Variants in VPS13C observed in about 807,000 individuals in gnomAD.
VPS13C encodes vacuolar protein sorting 13 homolog C, also known as intermembrane lipid transfer protein VPS13C.
Under a neutral mutation model 456.8 loss-of-function variants are expected in VPS13C, and 358 were observed. That is an observed-to-expected ratio of 0.78 (90% CI 0.72 to 0.86). The LOEUF (loss-of-function observed/expected upper bound fraction) is 0.86, where lower values mean the gene tolerates loss of function less well. Ranked by LOEUF, VPS13C falls within the 40% of genes least tolerant of loss-of-function variation. The pLI, the probability that VPS13C is intolerant of heterozygous loss-of-function variation, is 0.00. For synonymous variants in VPS13C, 1,578 were observed against 1,486.7 expected (o/e 1.06, Z -1.41); for missense variants, 4,818 against 4,385.4 (o/e 1.10, Z -2.79).
At chr15:62,010,015 A>T (rs1290023259) in intron 13 of VPS13C, among the ~76,000 whole-genome samples, 1 of 151,930 alleles carries the variant, frequency 6.6e-6, no homozygotes, top group Non-Finnish European at 1.5e-5. Context: ...GTGAAACGCC[A>T]TCTCTACTAA....
At chr15:61,971,614 T>C (rs2045558954) in intron 27 of VPS13C, among the ~76,000 whole-genome samples, 3 of 152,306 alleles carry the variant, frequency 2.0e-5, no homozygotes, top group African/African-American at 4.8e-5. Flanking sequence ...GAGTACCTGA[T>C]GGAAGCAAAG....
chr15:62,005,008 G>C (rs1181415772), intron 15 of VPS13C, among the ~76,000 whole-genome samples: 4 of 151,974 alleles, frequency 2.6e-5, no homozygotes, highest in African/African-American at 9.7e-5. Context: ...TTGATTTGGG[G>C]TGGAGAGTTC....
intron 27 of VPS13C, among the ~76,000 whole-genome samples, chr15:61,971,399 T>A (rs1704359070): frequency 1.3e-5 from 2 of 152,102 alleles, no homozygotes; most frequent in African/African-American, 4.8e-5. Context: ...GCAGCTGGGA[T>A]TACAGGTGCC....
chr15:62,020,500 T>G lies in VPS13C; in HGVS notation c.663A>C (p.Thr221=). The G allele has an allele frequency of 6.2e-7, 1 of 1,611,688 alleles. No homozygotes were observed. The highest frequency in any genetic ancestry group is 8.5e-7 in the Non-Finnish European group (1 of 1,178,524). The part of the protein sequence containing the change: ...DPKRPLSFGV[T]LGELSLLTAN... ...TTACCAGTAGACTAAGCTCTCCCAG[T>G]GTGACACCAAATGAAAGAGGCCGCT... The change falls in exon 9 of 85, where the codon ACA becomes ACC. Residue 221 remains threonine (T), a synonymous_variant. Coordinates refer to ENST00000644861, the MANE Select transcript of VPS13C (RefSeq NM_020821.3).
chr15:61,923,806 T>G (rs1453980503), intron 53 of VPS13C, among the ~76,000 whole-genome samples: 1 of 148,348 alleles, frequency 6.7e-6, no homozygotes, highest in Non-Finnish European at 1.5e-5. Context: ...ATGCTTCCAG[T>G]CTTACAACGC....
At chr15:62,037,334 TTA>T (rs1158572899) in intron 3 of VPS13C, among the ~76,000 whole-genome samples, 4 of 79,808 alleles carry the variant, frequency 5.0e-5, no homozygotes, top group South Asian at 3.0e-4. Flanking sequence ...TTATATACAT[TTA>T]TATATAATAT....
At position 61,927,374 on chromosome 15, in the gene VPS13C, G is replaced by C. The variant is rs2043889782; in HGVS notation, c.6287-54C>G. Reference sequence around the variant, plus strand: ...AAGTTTAAGGTAAGTCTTTTCATTTGACTACATGTTATCTACAAGTTGTTA... The same window carrying C: ...AAGTTTAAGGTAAGTCTTTTCATTTCACTACATGTTATCTACAAGTTGTTA... On this transcript the variant is annotated intron_variant, in intron 51 of 84. Transcript: ENST00000644861. The C allele has an allele frequency of 2.2e-6, 3 of 1,381,860 alleles. No individual in the cohort carries two copies. In the East Asian group the frequency reaches 6.9e-5, roughly 32 times the overall value. 85.6% of individuals were successfully genotyped at this position (1,381,860 alleles called of 1,614,324 possible). A position where few individuals can be genotyped will look rare whatever the true frequency, so the allele number is the denominator to read the frequency against.
rs896274744 is a variant in VPS13C, at chr15:61,875,827, C to T, written c.10243G>A (p.Val3415Ile). ...YSEQFLKQMYVLVLGLDVLGN... is the reference protein window; with the variant it reads ...YSEQFLKQMYILVLGLDVLGN... ...AGTACATCTAACCCCAATACAAGGA[C>T]ATACATCTGTTTCAAGAACTAAAAA... Residue 3415 changes from valine (V) to isoleucine (I), a missense_variant, in exon 76 of 85, where the codon GTC becomes ATC. Physicochemically the swap from Val to Ile is conservative, Grantham distance 29. This residue lies in a region of VPS13C where 4,552 missense variants were observed against 4,130.6 expected (regional missense o/e 1.10). Transcript: ENST00000644861. 1.9e-6 allele frequency: 3 copies of T among 1,590,266 alleles called. No homozygotes were observed. The African/African-American group carries it at 4.1e-5, about 22-fold the overall frequency.
At chr15:61,926,355 G>T (rs2043849080) in intron 52 of VPS13C, among the ~76,000 whole-genome samples, 2 of 152,210 alleles carry the variant, frequency 1.3e-5, no homozygotes, top group African/African-American at 4.8e-5. Context: ...AGCTAAGATG[G>T]CATTACTGCA....
chr15:62,052,373 A>G (rs2048648768), intron 1 of VPS13C, among the ~76,000 whole-genome samples: 1 of 152,124 alleles, frequency 6.6e-6, no homozygotes. Flanking sequence ...TTAATGATTT[A>G]TGTTTTAGTA....
intron 66 of VPS13C, among the ~76,000 whole-genome samples, chr15:61,902,577 T>C (rs2043033094): frequency 6.7e-6 from 1 of 149,228 alleles, no homozygotes; most frequent in Admixed American, 6.6e-5. Flanking sequence ...ATGACATTAA[T>C]AGAATCAAGG....
chr15:61,984,893 G>A lies in VPS13C; in HGVS notation c.1685C>T (p.Thr562Ile), dbSNP rs1413678979. 3 of 1,613,162 alleles carry A rather than the reference G, an allele frequency of 1.9e-6. No individual in the cohort carries two copies. Among genetic ancestry groups the A allele is most frequent in the East Asian group, 2.2e-5 (1 of 44,854 alleles). ...TGCTCCTGGTCGCTGAGATACTTGA[G>A]TGCCCAGGCCAATTATCTGAATTTT... ...ILKIQIIGLG[T>I]QVSQRPGAQA... Residue 562 changes from threonine (T) to isoleucine (I), a missense_variant, in exon 19 of 85, where the codon ACT (threonine) becomes ATT (isoleucine). Coordinates refer to ENST00000644861, the MANE Select transcript of VPS13C (RefSeq NM_020821.3).
chr15:62,001,640 G>C (rs2046620515), intron 15 of VPS13C, among the ~76,000 whole-genome samples: 1 of 152,138 alleles, frequency 6.6e-6, no homozygotes, highest in East Asian at 1.9e-4. Flanking sequence ...TCTAGCATTA[G>C]GTATATCTCC....
intron 66 of VPS13C, among the ~76,000 whole-genome samples, chr15:61,905,251 TTATG>T (rs1233019911): frequency 2.6e-5 from 4 of 152,184 alleles, no homozygotes; most frequent in African/African-American, 9.6e-5. Flanking sequence ...TGTACAACTA[TTATG>T]TATGAATTTT....
Position 61,867,748 on chromosome 15 carries a change from G to A in VPS13C, c.10863+911C>T, listed in dbSNP as rs1376954101. 4.1e-6 allele frequency: 6 copies of A among 1,467,420 alleles called. No homozygotes were observed. Among genetic ancestry groups the A allele is most frequent in the Admixed American group, 2.9e-5 (1 of 34,282 alleles). 90.9% of individuals were successfully genotyped at this position (1,467,420 alleles called of 1,614,324 possible). On this transcript the variant is annotated intron_variant, in intron 81 of 84. Transcript: ENST00000644861. The surrounding 1 kb of genome is among the most constrained non-coding windows in gnomAD (Gnocchi z 5.0). ...CTCTTATTTCTGGACAGTATTACCA[G>A]GAATACCACAAGTTTTTATTTGTAG...
chr15:61,980,183 CAAAAAAAAAAA>C (rs71125960), intron 22 of VPS13C, among the ~76,000 whole-genome samples: 3,840 of 45,366 alleles, frequency 0.085, 110 homozygotes, highest in East Asian at 0.23. Flanking sequence ...GACCCCATCT[CAAAAAAAAAAA>C]AAAAAAAAAA....
At chr15:61,964,893 C>T (rs1167508539) in intron 30 of VPS13C, 32 bp from the exon 31 acceptor site, 1 of 1,584,156 alleles carries the variant, frequency 6.3e-7, no homozygotes, top group South Asian at 1.2e-5. Context: ...AATTAGTTTT[C>T]CACAGCCAAT....
chr15:61,864,707 C>G, intron 81 of VPS13C: 1 of 985,422 alleles, frequency 1.0e-6, no homozygotes, highest in Non-Finnish European at 1.2e-6. Context: ...GAACTGGGAT[C>G]TCATCTTCAG....
chr15:61,962,843 G>A lies in VPS13C; in HGVS notation c.3341C>T (p.Ser1114Phe). The A allele has an allele frequency of 3.8e-6, 6 of 1,598,032 alleles. No homozygotes were observed. Among genetic ancestry groups the A allele is most frequent in the African/African-American group, 2.7e-5 (2 of 74,674 alleles). Residue 1114 changes from serine (S) to phenylalanine (F), a missense_variant, in exon 33 of 85, where the codon TCC (serine) becomes TTC (phenylalanine). Transcript: ENST00000644861. ...CTTTCTTGACTGGAGAGAAAGGGAG[G>A]AATCCAGTCCTGAAAAAAAGAGTGT... ...IAEIKIQGLD[S>F]SLSLQSRKQS...
Sources: allele counts gnomAD v4.1 joint callset (sites outside exome capture counted in the v4.1 genomes callset), GRCh38; gene constraint gnomAD v4.1.1; regional missense constraint gnomAD v4.1.1; non-coding constraint Gnocchi (gnomAD v3.1); transcripts MANE v1.5; gene names NCBI Gene and HGNC (gene_info 2026-07-23, HGNC 2026-07-21).